The following PARM1 variants were observed in gnomAD, a reference collection of about 807,000 sequenced individuals.
The protein encoded by PARM1 is WSC4, cell wall integrity and stress response component 4 homolog.
PARM1 carries 14 observed loss-of-function variants against 24.6 expected under a neutral mutation model. The ratio of observed to expected loss-of-function variants is 0.57; its 90% CI spans 0.38 to 0.89. The LOEUF (loss-of-function observed/expected upper bound fraction) is 0.89, where lower values mean the gene tolerates loss of function less well. Ranked by LOEUF, PARM1 falls within the 40% of genes least tolerant of loss-of-function variation. The pLI, the probability that PARM1 is intolerant of heterozygous loss-of-function variation, is 0.00. For synonymous variants in PARM1, 179 were observed against 156.6 expected (o/e 1.14, Z -1.07); for missense variants, 362 against 380.4 (o/e 0.95, Z 0.40).
chr4:74,962,507 T>G (rs1413491804), intron 1 of PARM1, among the ~76,000 whole-genome samples: 2 of 152,128 alleles, frequency 1.3e-5, no homozygotes, highest in Non-Finnish European at 2.9e-5. Context: ...AAAAACAGAA[T>G]GAGATAATGG....
At chr4:74,938,639 T>C (rs1199550955) in intron 1 of PARM1, among the ~76,000 whole-genome samples, 1 of 152,176 alleles carries the variant, frequency 6.6e-6, no homozygotes, top group African/African-American at 2.4e-5. Flanking sequence ...GTAAGATTGA[T>C]TTGTGTATAT....
At chr4:74,971,424 G>A (rs145542723) in intron 1 of PARM1, among the ~76,000 whole-genome samples, 55 of 152,292 alleles carry the variant, frequency 3.6e-4, no homozygotes, top group African/African-American at 1.3e-3. Flanking sequence ...AGTTTTGAGT[G>A]GGGATACAGC....
chr4:74,953,871 A>G lies in PARM1; in HGVS notation c.43+20501A>G, dbSNP rs138727375. 1.4e-4 allele frequency among the ~76,000 whole-genome samples: 21 copies of G among 152,284 alleles called. 1 individual carries two copies. In the East Asian group the frequency reaches 3.9e-3, roughly 28 times the overall value. The stretch of plus-strand genomic sequence containing the variant: ...CAGCTTGGGCTGCAACCCCAGGAAG[A>G]GAAAGGGAAGTGGGTCACGCCTGGT... On this transcript the variant is annotated intron_variant, in intron 1 of 3. Transcript: ENST00000307428.
chr4:74,956,659 C>T (rs1289599991), intron 1 of PARM1: 1 of 152,140 alleles, frequency 6.6e-6, no homozygotes, highest in African/African-American at 2.4e-5. Flanking sequence ...AGAGATTTAG[C>T]ACAAGAAAGG....
intron 1 of PARM1, among the ~76,000 whole-genome samples, chr4:75,010,515 A>G: frequency 6.6e-6 from 1 of 152,344 alleles, no homozygotes; most frequent in East Asian, 1.9e-4. Context: ...GTGTTAGCAT[A>G]CTTTACCACA....
intron 2 of PARM1, among the ~76,000 whole-genome samples, chr4:75,030,941 A>AG (rs1491410970): frequency 5.9e-5 from 9 of 152,286 alleles, no homozygotes; most frequent in South Asian, 2.1e-4. Flanking sequence ...AACAGAACTC[A>AG]GGGGGAAATG....
chr4:75,046,051 C>T, intron 3 of PARM1, 112 bp from the exon 4 acceptor site: 1 of 682,918 alleles, frequency 1.5e-6, no homozygotes, highest in South Asian at 1.8e-5. Flanking sequence ...AGCGTCACAA[C>T]TTTCCCTCTC....
At chr4:74,952,594 A>T (rs572369205) in intron 1 of PARM1, among the ~76,000 whole-genome samples, 4 of 152,276 alleles carry the variant, frequency 2.6e-5, no homozygotes, top group African/African-American at 9.6e-5. Flanking sequence ...TCTTGAGCTA[A>T]TTTTTGTATA....
chr4:74,976,758 GTTT>G (rs1722144194), intron 1 of PARM1, among the ~76,000 whole-genome samples: 4 of 152,230 alleles, frequency 2.6e-5, no homozygotes, highest in Non-Finnish European at 5.9e-5. Context: ...AACCAGCCAT[GTTT>G]GCTGTTCTGC....
chr4:74,994,557 C>CCAG (rs1182712286), intron 1 of PARM1, among the ~76,000 whole-genome samples: 1 of 152,026 alleles, frequency 6.6e-6, no homozygotes, highest in Non-Finnish European at 1.5e-5. Context: ...ACTTGTAATC[C>CCAG]CAGCACTTTG....
intron 1 of PARM1, among the ~76,000 whole-genome samples, chr4:74,976,177 A>G (rs554514409): frequency 2.2e-4 from 33 of 152,282 alleles, no homozygotes; most frequent in African/African-American, 7.9e-4. Context: ...AGCCAGCGGC[A>G]GCAGTCTGGA....
intron 3 of PARM1, chr4:75,034,695 T>C (rs1206334026): frequency 6.6e-6 from 1 of 152,220 alleles, no homozygotes; most frequent in Admixed American, 6.5e-5. Flanking sequence ...AGATGGCAAG[T>C]GACAGTCTTA....
chr4:74,940,433 G>A (rs557985287), intron 1 of PARM1, among the ~76,000 whole-genome samples: 2 of 152,290 alleles, frequency 1.3e-5, no homozygotes, highest in African/African-American at 4.8e-5. Context: ...GCATCTGCAG[G>A]TTCTGCGTCT....
intron 1 of PARM1, among the ~76,000 whole-genome samples, chr4:74,949,573 A>G (rs1721485023): frequency 6.6e-6 from 1 of 152,128 alleles, no homozygotes; most frequent in African/African-American, 2.4e-5. Context: ...CAGCCTCCCA[A>G]AGTGCTGGGA....
intron 3 of PARM1, among the ~76,000 whole-genome samples, chr4:75,036,380 ATCCTGGC>A (rs1156841141): frequency 2.0e-5 from 3 of 152,216 alleles, no homozygotes; most frequent in Non-Finnish European, 4.4e-5. Context: ...CTCAGTTCAA[ATCCTGGC>A]TCTACTACTT....
chr4:75,034,110 C>A, intron 3 of PARM1, 149 bp downstream of exon 3: 1 of 639,548 alleles, frequency 1.6e-6, no homozygotes, highest in Non-Finnish European at 2.8e-6. Flanking sequence ...TGTACTCCTA[C>A]ACCACACAAC....
intron 1 of PARM1, among the ~76,000 whole-genome samples, chr4:74,946,101 C>G (rs1443517675): frequency 6.6e-6 from 1 of 152,202 alleles, no homozygotes; most frequent in African/African-American, 2.4e-5. Flanking sequence ...ATCTAATCCT[C>G]TCACACTCTA....
intron 1 of PARM1, among the ~76,000 whole-genome samples, chr4:74,952,565 C>T (rs1025899824): frequency 2.0e-5 from 3 of 152,054 alleles, no homozygotes; most frequent in Admixed American, 6.6e-5. Context: ...TTAGGTCTTA[C>T]GTTTAAGTCT....
intron 1 of PARM1, among the ~76,000 whole-genome samples, chr4:74,943,059 T>G (rs1249339525): frequency 2.0e-5 from 3 of 152,226 alleles, no homozygotes; most frequent in African/African-American, 7.2e-5. Context: ...GATACCCATA[T>G]GACTAATTCC....
Sources: allele counts gnomAD v4.1 joint callset (sites outside exome capture counted in the v4.1 genomes callset), GRCh38; gene constraint gnomAD v4.1.1; transcripts MANE v1.5; gene names NCBI Gene and HGNC (gene_info 2026-07-23, HGNC 2026-07-21).